LOC400499: variants seen among roughly 807,000 people sequenced by gnomAD.
chr16:11,461,131 G>A, the LOC400499 span: 4 of 1,529,620 alleles, frequency 2.6e-6, no homozygotes, highest in South Asian at 4.8e-5. Context: ...TGCAGGGACA[G>A]AGAGCAGGCA....
At chr16:11,488,899 C>T in the LOC400499 span, 4 of 398,574 alleles carry the variant, frequency 1.0e-5, no homozygotes, top group Admixed American at 8.8e-5. Flanking sequence ...CAGGGAGGGG[C>T]CGTGAGGAAA....
the LOC400499 span, chr16:11,396,709 CA>C: frequency 8.1e-7 from 1 of 1,231,084 alleles, no homozygotes; most frequent in Non-Finnish European, 1.0e-6. Flanking sequence ...CAGGCAGGCA[CA>C]GGGGTGGCAG....
chr16:11,380,863 CT>C, the LOC400499 span: 1 of 153,256 alleles, frequency 6.5e-6, no homozygotes, highest in Non-Finnish European at 1.5e-5. Context: ...TACACAGATT[CT>C]CCGAGGTTCC....
the LOC400499 span, among the ~76,000 whole-genome samples, chr16:11,413,855 G>A: frequency 6.6e-6 from 1 of 152,208 alleles, no homozygotes; most frequent in Non-Finnish European, 1.5e-5. Flanking sequence ...CAGATGAGGA[G>A]ATGAGGGCAC....
the LOC400499 span, chr16:11,435,863 C>A: frequency 2.5e-6 from 1 of 399,162 alleles, no homozygotes; most frequent in Admixed American, 4.4e-5. Context: ...TCTGTAGCGC[C>A]CGGCAGCTGC....
At chr16:11,383,966 GCTCCTGCT>G in the LOC400499 span, 1 of 1,231,840 alleles carries the variant, frequency 8.1e-7, no homozygotes, top group Non-Finnish European at 1.0e-6. Flanking sequence ...GGGCAGGCCT[GCTCCTGCT>G]GAGGCTTCTC....
At chr16:11,453,284 C>G in the LOC400499 span, among the ~76,000 whole-genome samples, 1 of 152,242 alleles carries the variant, frequency 6.6e-6, no homozygotes, top group African/African-American at 2.4e-5. Context: ...TAATTAAGTC[C>G]TCAGGCAGCT....
At chr16:11,402,984 G>A in the LOC400499 span, among the ~76,000 whole-genome samples, 3 of 151,900 alleles carry the variant, frequency 2.0e-5, no homozygotes, top group South Asian at 4.2e-4. Context: ...GATGTGACAG[G>A]TGACACCCCA....
At chr16:11,456,472 G>T in the LOC400499 span, among the ~76,000 whole-genome samples, 2 of 152,232 alleles carry the variant, frequency 1.3e-5, no homozygotes, top group Non-Finnish European at 2.9e-5. Context: ...TAACGAGCAA[G>T]GGGGAGAGTG....
chr16:11,462,021 G>T, the LOC400499 span: 1 of 1,103,470 alleles, frequency 9.1e-7, no homozygotes, highest in Non-Finnish European at 1.2e-6. Context: ...GATATTAAGA[G>T]AAGCTGCAGT....
chr16:11,427,203 CA>C, the LOC400499 span, among the ~76,000 whole-genome samples: 11 of 146,674 alleles, frequency 7.5e-5, no homozygotes, highest in Non-Finnish European at 1.1e-4. Context: ...ACTAACAATA[CA>C]AAAAAAAAAT....
the LOC400499 span, among the ~76,000 whole-genome samples, chr16:11,382,360 T>C: frequency 6.6e-6 from 1 of 152,240 alleles, no homozygotes; most frequent in Non-Finnish European, 1.5e-5. Flanking sequence ...AATTCTGGCA[T>C]CTGAAGCTCT....
At chr16:11,381,044 G>C in the LOC400499 span, 1 of 152,318 alleles carries the variant, frequency 6.6e-6, no homozygotes, top group African/African-American at 2.4e-5. Flanking sequence ...TACTAGAACG[G>C]TGCTTTTTAT....
the LOC400499 span, chr16:11,477,697 G>T: frequency 5.1e-6 from 2 of 395,414 alleles, no homozygotes; most frequent in Non-Finnish European, 8.9e-6. Context: ...CAGTCTCTTG[G>T]CACAGGTGTT....
At chr16:11,374,282 G>GT in the LOC400499 span, among the ~76,000 whole-genome samples, 2 of 152,014 alleles carry the variant, frequency 1.3e-5, no homozygotes, top group Non-Finnish European at 2.9e-5. Context: ...GTTTATCATC[G>GT]TATCACCATG....
the LOC400499 span, among the ~76,000 whole-genome samples, chr16:11,451,924 G>A: frequency 1.3e-5 from 2 of 152,152 alleles, no homozygotes; most frequent in Non-Finnish European, 2.9e-5. Context: ...CACGGGAAGC[G>A]GGAAGATGGC....
the LOC400499 span, chr16:11,387,357 G>A: frequency 5.8e-6 from 7 of 1,198,762 alleles, no homozygotes; most frequent in Non-Finnish European, 7.3e-6. Flanking sequence ...CTTGGCTGCA[G>A]AGGGGAGCTT....
chr16:11,460,818 T>C, the LOC400499 span: 2 of 1,204,422 alleles, frequency 1.7e-6, no homozygotes, highest in South Asian at 3.2e-5. Flanking sequence ...AATGGGCAGG[T>C]ATTCAGTCCT....
At chr16:11,471,933 A>T in the LOC400499 span, 1 of 397,808 alleles carries the variant, frequency 2.5e-6, no homozygotes, top group Non-Finnish European at 4.4e-6. Context: ...TCTTCTGAGG[A>T]AAGGCACCAT....
Sources: gnomAD v4.1 joint callset for allele counts (sites outside exome capture counted in the v4.1 genomes callset) on GRCh38, gnomAD v4.1.1 for gene constraint, MANE v1.5 for transcripts.